ST6GALNAC3: variants seen among roughly 807,000 people sequenced by gnomAD.
ST6GALNAC3 encodes ST6 N-acetylgalactosaminide alpha-2,6-sialyltransferase 3.
A neutral mutation model predicts 32.7 loss-of-function variants in ST6GALNAC3; 25 were observed. That is an observed-to-expected ratio of 0.76 (90% CI 0.56 to 1.07). The LOEUF (loss-of-function observed/expected upper bound fraction) is 1.07, where lower values mean the gene tolerates loss of function less well. Ranked by LOEUF, ST6GALNAC3 falls within the 50% of genes least tolerant of loss-of-function variation. The probability of loss-of-function intolerance (pLI) is 0.00; values close to 1 mark genes in which losing one functional copy is unlikely to be tolerated. For synonymous variants in ST6GALNAC3, 129 were observed against 133.1 expected (o/e 0.97, Z 0.21); for missense variants, 355 against 382.4 (o/e 0.93, Z 0.60).
chr1:76,498,903 A>G (rs904215829), intron 3 of ST6GALNAC3, among the ~76,000 whole-genome samples: 3 of 152,194 alleles, frequency 2.0e-5, no homozygotes, highest in African/African-American at 7.2e-5. Flanking sequence ...TAAAAAAGAA[A>G]GATAAATTTG....
At chr1:76,235,332 C>T (rs900504169) in intron 1 of ST6GALNAC3, among the ~76,000 whole-genome samples, 1 of 151,838 alleles carries the variant, frequency 6.6e-6, no homozygotes, top group Admixed American at 6.6e-5. Flanking sequence ...ATGGTGAGAA[C>T]CCATCTCTAC....
rs115067836 is a variant in ST6GALNAC3 at position 76,198,386 on chromosome 1, G to T, written c.19-115419G>T. Among the ~76,000 whole-genome samples, 1,375 of 152,160 alleles carry T rather than the reference G, an allele frequency of 9.0e-3. 24 individuals are homozygous for T. Among genetic ancestry groups the T allele is most frequent in the African/African-American group, 0.031 (1,293 of 41,482 alleles). ...GGGCAATTATAAGATTTTATTCAGG[G>T]GATTGACCTAACCAGATTTATACCT... is the stretch of plus-strand genomic sequence containing the variant. On this transcript the variant is annotated intron_variant, in intron 1 of 4. Transcript: ENST00000328299.
intron 3 of ST6GALNAC3, among the ~76,000 whole-genome samples, chr1:76,488,695 C>G (rs1359817523): frequency 6.6e-6 from 1 of 152,218 alleles, no homozygotes; most frequent in South Asian, 2.1e-4. Flanking sequence ...ATTCCAGCAT[C>G]TGTCAGTTAG....
chr1:76,482,594 G>A (rs932463762), intron 3 of ST6GALNAC3, among the ~76,000 whole-genome samples: 4 of 152,166 alleles, frequency 2.6e-5, no homozygotes, highest in Admixed American at 6.5e-5. Context: ...CTCCAATGAG[G>A]CACTTTTACT....
At chr1:76,477,154 A>G (rs1659405593) in intron 3 of ST6GALNAC3, among the ~76,000 whole-genome samples, 1 of 152,184 alleles carries the variant, frequency 6.6e-6, no homozygotes, top group Non-Finnish European at 1.5e-5. Context: ...CAATTTTAAA[A>G]CATATAAAGT....
chr1:76,195,662 A>G (rs747390712), intron 1 of ST6GALNAC3, among the ~76,000 whole-genome samples: 12 of 152,144 alleles, frequency 7.9e-5, no homozygotes, highest in Non-Finnish European at 1.5e-4. Flanking sequence ...CAACATGGTT[A>G]AAAAAATAAA....
chr1:76,468,748 G>T (rs1157987080), intron 3 of ST6GALNAC3, among the ~76,000 whole-genome samples: 1 of 151,986 alleles, frequency 6.6e-6, no homozygotes, highest in Non-Finnish European at 1.5e-5. Context: ...TGTGTGATGG[G>T]CCAGTGTAAT....
intron 3 of ST6GALNAC3, among the ~76,000 whole-genome samples, chr1:76,525,422 C>G (rs1282644451): frequency 2.0e-5 from 3 of 152,012 alleles, no homozygotes; most frequent in African/African-American, 7.2e-5. Flanking sequence ...CTAAAAAATA[C>G]AATTGCCGTC....
At chr1:76,314,143 T>C in intron 2 of ST6GALNAC3, 144 bp downstream of exon 2, 1 of 673,744 alleles carries the variant, frequency 1.5e-6, no homozygotes, top group South Asian at 2.4e-5. Flanking sequence ...TCTTCTGTCT[T>C]ATTATTCTTA....
At chr1:76,425,713 C>T (rs573556915) in intron 3 of ST6GALNAC3, among the ~76,000 whole-genome samples, 8 of 151,924 alleles carry the variant, frequency 5.3e-5, no homozygotes, top group South Asian at 4.2e-4. Context: ...GAAACCTTGC[C>T]GAGAGAGACC....
chr1:76,521,309 A>G (rs34555371), intron 3 of ST6GALNAC3, among the ~76,000 whole-genome samples: 15,282 of 151,348 alleles, frequency 0.1, 935 homozygotes, highest in East Asian at 0.21. Context: ...ACACACACAC[A>G]CGCGCGTACA....
At chr1:76,264,160 G>A (rs1658402892) in intron 1 of ST6GALNAC3, among the ~76,000 whole-genome samples, 1 of 152,144 alleles carries the variant, frequency 6.6e-6, no homozygotes, top group Non-Finnish European at 1.5e-5. Flanking sequence ...TCAGCGAGTA[G>A]ATAATAGCCT....
At chr1:76,521,617 TGAA>T (rs1392634766) in intron 3 of ST6GALNAC3, among the ~76,000 whole-genome samples, 7 of 152,330 alleles carry the variant, frequency 4.6e-5, no homozygotes, top group African/African-American at 1.2e-4. Flanking sequence ...ATGTTATTTA[TGAA>T]GAAGAAGTTG....
chr1:76,076,712 A>G (rs1335070739), intron 1 of ST6GALNAC3, among the ~76,000 whole-genome samples: 1 of 152,214 alleles, frequency 6.6e-6, no homozygotes, highest in Non-Finnish European at 1.5e-5. Context: ...TGTTTCTTAT[A>G]ACTATTATTT....
intron 1 of ST6GALNAC3, chr1:76,313,556 T>G (rs1646809041): frequency 3.4e-6 from 2 of 589,932 alleles, no homozygotes; most frequent in Non-Finnish European, 6.2e-6. Context: ...AGGAATATAG[T>G]GAGATAAGGA....
intron 1 of ST6GALNAC3, among the ~76,000 whole-genome samples, chr1:76,231,330 C>T (rs994256119): frequency 1.3e-5 from 2 of 152,058 alleles, no homozygotes; most frequent in Non-Finnish European, 2.9e-5. Flanking sequence ...ATTATTTTAT[C>T]GTTAATTGTA....
At chr1:76,521,984 G>A (rs1662569395) in intron 3 of ST6GALNAC3, among the ~76,000 whole-genome samples, 1 of 151,026 alleles carries the variant, frequency 6.6e-6, no homozygotes, top group Non-Finnish European at 1.5e-5. Context: ...CAAGAGAATT[G>A]CTTGAACTCA....
chr1:76,379,820 GCAAA>G (rs557459731), intron 2 of ST6GALNAC3, among the ~76,000 whole-genome samples: 4 of 152,194 alleles, frequency 2.6e-5, no homozygotes, highest in Non-Finnish European at 4.4e-5. Context: ...AAAGAATTAA[GCAAA>G]CAAACAAACA....
chr1:76,173,122 T>C (rs1410435502), intron 1 of ST6GALNAC3, among the ~76,000 whole-genome samples: 5 of 152,210 alleles, frequency 3.3e-5, no homozygotes, highest in Admixed American at 3.3e-4. Flanking sequence ...AGCATGGTAC[T>C]GGTACCAAAA....
Sources: allele counts gnomAD v4.1 joint callset (sites outside exome capture counted in the v4.1 genomes callset), GRCh38; gene constraint gnomAD v4.1.1; transcripts MANE v1.5; gene names NCBI Gene and HGNC (gene_info 2026-07-23, HGNC 2026-07-21).